The following DPP10 variants were observed in gnomAD, a reference collection of about 807,000 sequenced individuals.
The protein encoded by DPP10 is dipeptidyl peptidase like 10, also known as inactive dipeptidyl peptidase 10.
A neutral mutation model predicts 120.9 loss-of-function variants in DPP10; 33 were observed. The ratio of observed to expected loss-of-function variants is 0.27; its 90% CI spans 0.21 to 0.37. The LOEUF is 0.37. Among genes scored for constraint, DPP10 ranks in the 10% least tolerant of loss-of-function variants. DPP10 has a pLI of 1.00. For synonymous variants in DPP10, 337 were observed against 326.1 expected (o/e 1.03, Z -0.36); for missense variants, 816 against 942.8 (o/e 0.87, Z 1.76).
At chr2:114,858,563 G>C (rs1275554390) in intron 1 of DPP10, among the ~76,000 whole-genome samples, 2 of 152,128 alleles carry the variant, frequency 1.3e-5, no homozygotes, top group African/African-American at 4.8e-5. Flanking sequence ...CTTTTAAAAA[G>C]AGCTTTGTAA....
chr2:114,860,826 A>G (rs1252209555), intron 1 of DPP10, among the ~76,000 whole-genome samples: 1 of 152,188 alleles, frequency 6.6e-6, no homozygotes, highest in East Asian at 1.9e-4. Flanking sequence ...AGCTCATTTA[A>G]AGAGTATTTA....
intron 1 of DPP10, among the ~76,000 whole-genome samples, chr2:115,114,699 GA>G (rs1227595047): frequency 6.6e-6 from 1 of 152,018 alleles, no homozygotes; most frequent in Non-Finnish European, 1.5e-5. Flanking sequence ...TGATAACATT[GA>G]AAAATGTCCA....
intron 1 of DPP10, among the ~76,000 whole-genome samples, chr2:115,104,563 G>A (rs4849380): frequency 0.21 from 31,276 of 151,970 alleles, 3,959 homozygotes; most frequent in East Asian, 0.36. Context: ...ACTGAGTAAG[G>A]TTTCATCCCT....
chr2:115,292,525 A>G (rs746533659), intron 1 of DPP10, among the ~76,000 whole-genome samples: 5 of 152,132 alleles, frequency 3.3e-5, no homozygotes, highest in Non-Finnish European at 5.9e-5. Flanking sequence ...TGCATTAGAT[A>G]GAACACTTCC....
intron 1 of DPP10, among the ~76,000 whole-genome samples, chr2:115,186,619 A>G (rs540761232): frequency 6.6e-6 from 1 of 152,346 alleles, no homozygotes; most frequent in Admixed American, 6.5e-5. Context: ...TTCAAGAAGT[A>G]GGAAGCAGCA....
chr2:114,609,331 C>A (rs891171166), intron 1 of DPP10, among the ~76,000 whole-genome samples: 10 of 152,148 alleles, frequency 6.6e-5, no homozygotes, highest in African/African-American at 1.2e-4. Context: ...ACTTGTGTCT[C>A]CCTAGGCCAA....
intron 1 of DPP10, among the ~76,000 whole-genome samples, chr2:115,092,992 G>A (rs557751117): frequency 5.9e-5 from 9 of 152,216 alleles, no homozygotes; most frequent in African/African-American, 1.9e-4. Flanking sequence ...CTTTTCTTCA[G>A]CAGAAGTTAC....
At chr2:114,586,531 G>T (rs1348523747) in intron 1 of DPP10, among the ~76,000 whole-genome samples, 1 of 152,132 alleles carries the variant, frequency 6.6e-6, no homozygotes. Context: ...ACATGTAAAA[G>T]GCTTACAGCA....
chr2:115,572,517 T>C (rs1281472711), intron 5 of DPP10, among the ~76,000 whole-genome samples: 1 of 152,238 alleles, frequency 6.6e-6, no homozygotes, highest in Non-Finnish European at 1.5e-5. Flanking sequence ...GCTATATGTG[T>C]ATGTTATATG....
At chr2:114,662,377 C>A (rs893286019) in intron 1 of DPP10, among the ~76,000 whole-genome samples, 1 of 152,220 alleles carries the variant, frequency 6.6e-6, no homozygotes, top group African/African-American at 2.4e-5. Context: ...TGCAGAGAAG[C>A]TTCCACTCTG....
intron 3 of DPP10, among the ~76,000 whole-genome samples, chr2:115,359,755 A>C (rs908390529): frequency 6.6e-6 from 1 of 152,124 alleles, no homozygotes; most frequent in Non-Finnish European, 1.5e-5. Context: ...GCTATTGCAT[A>C]ATAGGCTTGG....
intron 1 of DPP10, among the ~76,000 whole-genome samples, chr2:115,028,299 A>T (rs1353735783): frequency 6.6e-6 from 1 of 151,956 alleles, no homozygotes. Flanking sequence ...CTCCATTTCC[A>T]TGTGGTTCAA....
chr2:115,664,360 G>A (rs2089270148), intron 5 of DPP10, among the ~76,000 whole-genome samples: 1 of 151,898 alleles, frequency 6.6e-6, no homozygotes. Flanking sequence ...TCATCAGCAG[G>A]GAAAATTTTT....
chr2:114,619,409 G>GTGTA (rs1237461114), intron 1 of DPP10, among the ~76,000 whole-genome samples: 1 of 150,670 alleles, frequency 6.6e-6, no homozygotes, highest in African/African-American at 2.4e-5. Flanking sequence ...GTGTGTGTGT[G>GTGTA]TGTACACACA....
intron 1 of DPP10, among the ~76,000 whole-genome samples, chr2:114,726,728 T>A (rs1702073440): frequency 6.6e-6 from 1 of 152,234 alleles, no homozygotes; most frequent in Admixed American, 6.5e-5. Flanking sequence ...TGTTTTAACA[T>A]CAACTGAATG....
At chr2:114,938,165 T>C (rs1239971201) in intron 1 of DPP10, among the ~76,000 whole-genome samples, 1 of 152,200 alleles carries the variant, frequency 6.6e-6, no homozygotes, top group African/African-American at 2.4e-5. Flanking sequence ...ATCTCCCAAC[T>C]GTCGGTTTGT....
intron 19 of DPP10, among the ~76,000 whole-genome samples, chr2:115,808,603 G>A (rs7568742): frequency 0.023 from 3,539 of 152,214 alleles, 139 homozygotes; most frequent in African/African-American, 0.078. Flanking sequence ...AAAAGCAAAC[G>A]TAGGCATAAG....
At chr2:115,277,477 T>A (rs1157544502) in intron 1 of DPP10, among the ~76,000 whole-genome samples, 1 of 103,868 alleles carries the variant, frequency 9.6e-6, no homozygotes, top group Non-Finnish European at 2.2e-5. Flanking sequence ...TTTTTTTTTT[T>A]TACTGTAGTC....
At chr2:114,597,592 T>C (rs1332544692) in intron 1 of DPP10, among the ~76,000 whole-genome samples, 1 of 152,024 alleles carries the variant, frequency 6.6e-6, no homozygotes, top group East Asian at 1.9e-4. Context: ...TCTGTCTAGA[T>C]AAAATTTTGT....
Sources: gnomAD v4.1 joint callset for allele counts (sites outside exome capture counted in the v4.1 genomes callset) on GRCh38, gnomAD v4.1.1 for gene constraint, MANE v1.5 for transcripts, NCBI Gene and HGNC (gene_info 2026-07-23, HGNC 2026-07-21) for gene names.